SOCS2: variants seen among roughly 807,000 people sequenced by gnomAD.
SOCS2 encodes suppressor of cytokine signaling 2.
Under a neutral mutation model 18.6 loss-of-function variants are expected in SOCS2, and 10 were observed. The ratio of observed to expected loss-of-function variants is 0.54; its 90% CI spans 0.33 to 0.91. SOCS2 has a LOEUF of 0.91. Ranked by LOEUF, SOCS2 falls within the 40% of genes least tolerant of loss-of-function variation. The pLI is 0.02. For missense variants in SOCS2, 231 were observed against 247.2 expected (o/e 0.93, Z 0.44); for synonymous variants, 104 against 104.0 (o/e 1.00, Z 0.00).
At chr12:93,589,166 T>C in the SOCS2 span, among the ~76,000 whole-genome samples, 1 of 152,248 alleles carries the variant, frequency 6.6e-6, no homozygotes, top group Non-Finnish European at 1.5e-5. Context: ...TTTAGTGTTA[T>C]CTTCTCCAGC....
At chr12:93,585,056 C>A (rs1476774936), downstream of SOCS2, among the ~76,000 whole-genome samples, 1 of 152,184 alleles carries the variant, frequency 6.6e-6, no homozygotes, top group Non-Finnish European at 1.5e-5. Context: ...AGCCATCACG[C>A]CTGGCCATTC....
At chr12:93,616,305 CA>C in the SOCS2 span, among the ~76,000 whole-genome samples, 3 of 152,214 alleles carry the variant, frequency 2.0e-5, no homozygotes, top group African/African-American at 7.2e-5. Flanking sequence ...TCACCAGAGG[CA>C]GACAGCCAAG....
the SOCS2 span, among the ~76,000 whole-genome samples, chr12:93,613,513 G>C: frequency 6.6e-6 from 1 of 152,126 alleles, no homozygotes. Context: ...GCTGCATACT[G>C]TCTCCGAGCC....
chr12:93,570,704 G>C (rs1226019225), upstream of SOCS2: 1 of 152,374 alleles, frequency 6.6e-6, no homozygotes, highest in Non-Finnish European at 1.5e-5. Context: ...GGGGTTGGCT[G>C]TAGCCGGTGG....
At chr12:93,606,423 C>T in the SOCS2 span, among the ~76,000 whole-genome samples, 1 of 152,050 alleles carries the variant, frequency 6.6e-6, no homozygotes, top group African/African-American at 2.4e-5. Flanking sequence ...GTAGGTCACA[C>T]AGTTAATACT....
Position 93,575,362 on chromosome 12 carries a change from AC to A in SOCS2, c.*184del, listed in dbSNP as rs1954431847. ...CTAGGTGTTTAAAGTTCCTCCAGAT[AC>A]TTTTACCTGAGTGATGCTTCCCTTC... On this transcript the variant is annotated 3_prime_UTR_variant, in exon 2 of 2. Coordinates refer to ENST00000551556, the MANE Select transcript of SOCS2 (RefSeq NM_001270471.2). 2 of 419,214 alleles carry A rather than the reference AC, an allele frequency of 4.8e-6. No individual in the cohort carries two copies. The highest frequency in any genetic ancestry group is 8.5e-6 in the Non-Finnish European group (2 of 236,328). 26.0% of individuals were successfully genotyped at this position (419,214 alleles called of 1,614,324 possible).
the SOCS2 span, among the ~76,000 whole-genome samples, chr12:93,603,015 T>C: frequency 6.6e-6 from 1 of 152,196 alleles, no homozygotes; most frequent in Non-Finnish European, 1.5e-5. Flanking sequence ...ATTCAAGATG[T>C]GGGCTCAACT....
At position 93,575,170 on chromosome 12, in the gene SOCS2, C is replaced by T. The variant is rs777107177; in HGVS notation, c.588C>T (p.Phe196=). 5.2e-6 allele frequency: 8 copies of T among 1,540,260 alleles called. No homozygotes were observed. The highest frequency in any genetic ancestry group is 7.0e-6 in the Non-Finnish European group (8 of 1,148,254). ...RLKDYLEEYK[F]QV is the part of the protein sequence containing the mutation. ...AAGATTACTTGGAAGAATATAAATT[C>T]CAGGTATAAATGTTTCTCTTTTTTT... The change falls in exon 2 of 2, where the codon TTC becomes TTT. Residue 196 remains phenylalanine, a synonymous_variant. Transcript: ENST00000551556.
At chr12:93,573,096 A>G in intron 1 of SOCS2, 60 bp downstream of exon 1, 4 of 1,535,914 alleles carry the variant, frequency 2.6e-6, no homozygotes, top group Non-Finnish European at 3.5e-6. Context: ...GGAAGCAGCT[A>G]GGAAGCGGGG....
chr12:93,614,192 T>G, the SOCS2 span, among the ~76,000 whole-genome samples: 1 of 152,126 alleles, frequency 6.6e-6, no homozygotes. Context: ...CACAGCTCAA[T>G]GAATACTTCT....
the SOCS2 span, among the ~76,000 whole-genome samples, chr12:93,610,671 G>A: frequency 5.3e-5 from 8 of 152,128 alleles, no homozygotes; most frequent in Non-Finnish European, 8.8e-5. Context: ...GCCCTAGTCC[G>A]TTTTTGCCCT....
the SOCS2 span, among the ~76,000 whole-genome samples, chr12:93,626,037 A>C: frequency 1.1e-3 from 171 of 152,316 alleles, 2 homozygotes; most frequent in East Asian, 0.03. Flanking sequence ...CCCAAGGTGG[A>C]CACCACGGCA....
downstream of SOCS2, among the ~76,000 whole-genome samples, chr12:93,579,068 T>TC (rs1227605735): frequency 6.6e-6 from 1 of 152,230 alleles, no homozygotes; most frequent in African/African-American, 2.4e-5. Flanking sequence ...ATCCAAAACC[T>TC]CCCATCCATG....
chr12:93,575,519 C>G lies in SOCS2; in HGVS notation c.*340C>G, dbSNP rs138306287. 81 of 161,746 alleles carry G rather than the reference C, an allele frequency of 5.0e-4. No individual in the cohort carries two copies. Among genetic ancestry groups the G allele is most frequent in the Non-Finnish European group, 7.9e-4 (58 of 73,292 alleles). The allele number at this position is 161,746 out of a possible 1,614,324, so 10.0% of individuals were successfully genotyped here. ...TTCCATTATGTCAAAGGTCCAGGCTCCAGTAGGAGAGAAAGAACTCCTCAT... is the reference window on the plus strand; with the variant it reads ...TTCCATTATGTCAAAGGTCCAGGCTGCAGTAGGAGAGAAAGAACTCCTCAT... On this transcript the variant is annotated 3_prime_UTR_variant, in exon 2 of 2. Transcript: ENST00000551556.
chr12:93,572,860 G>C lies in SOCS2; in HGVS notation c.-38G>C. ...GCGAACCCTTCTCTGACCCCAGCTC[G>C]GGCGGCCACCTGTCTTTGCCGCGGT... On this transcript the variant is annotated 5_prime_UTR_variant, in exon 1 of 2. Transcript: ENST00000551556. The surrounding 1 kb of genome is among the most constrained non-coding windows in gnomAD (Gnocchi z 5.0). The C allele has an allele frequency of 6.4e-7, 1 of 1,558,834 alleles. No individual in the cohort carries two copies. The highest frequency in any genetic ancestry group is 8.7e-7 in the Non-Finnish European group (1 of 1,150,918).
At chr12:93,601,360 C>T in the SOCS2 span, among the ~76,000 whole-genome samples, 9 of 151,658 alleles carry the variant, frequency 5.9e-5, no homozygotes, top group Non-Finnish European at 1.0e-4. Flanking sequence ...CTGCAACCTC[C>T]GCCTCCTGGG....
In SOCS2 at chr12:93,572,755, C is replaced by T; in HGVS notation, c.-143C>T. ...CTCCAGGATCTGGGGAGAAAGAGCC[C>T]CATCCCTTCTCTCTCTGCCACCATT... On this transcript the variant is annotated 5_prime_UTR_variant, in exon 1 of 2. Coordinates refer to ENST00000551556, the MANE Select transcript of SOCS2 (RefSeq NM_001270471.2). The surrounding 1 kb of genome is among the most constrained non-coding windows in gnomAD (Gnocchi z 5.0). 9.6e-7 allele frequency: 1 copy of T among 1,038,626 alleles called. No homozygotes were observed. Among genetic ancestry groups the T allele is most frequent in the African/African-American group, 1.6e-5 (1 of 63,476 alleles). 64.3% of individuals were successfully genotyped at this position (1,038,626 alleles called of 1,614,324 possible). A position where few individuals can be genotyped will look rare whatever the true frequency, so the allele number is the denominator to read the frequency against.
At position 93,575,522 on chromosome 12, in the gene SOCS2, G is replaced by A. The variant is rs571850815; in HGVS notation, c.*343G>A. 1 of 161,604 alleles carries A rather than the reference G, an allele frequency of 6.2e-6. No homozygotes were observed. The highest frequency in any genetic ancestry group is 1.4e-5 in the Non-Finnish European group (1 of 73,170). 10.0% of individuals were successfully genotyped at this position (161,604 alleles called of 1,614,324 possible). On this transcript the variant is annotated 3_prime_UTR_variant, in exon 2 of 2. Transcript: ENST00000551556. ...CATTATGTCAAAGGTCCAGGCTCCA[G>A]TAGGAGAGAAAGAACTCCTCATAGG...
At chr12:93,593,802 A>G in the SOCS2 span, among the ~76,000 whole-genome samples, 9 of 152,210 alleles carry the variant, frequency 5.9e-5, no homozygotes, top group East Asian at 1.2e-3. Flanking sequence ...ACAAACAAAC[A>G]AAAATCAAAC....
Sources: allele counts gnomAD v4.1 joint callset (sites outside exome capture counted in the v4.1 genomes callset), GRCh38; gene constraint gnomAD v4.1.1; non-coding constraint Gnocchi (gnomAD v3.1); transcripts MANE v1.5; gene names NCBI Gene and HGNC (gene_info 2026-07-23, HGNC 2026-07-21).